The following RPRD1B variants were observed in gnomAD, a reference collection of about 807,000 sequenced individuals.
The protein encoded by RPRD1B is regulation of nuclear pre-mRNA domain-containing protein 1B.
RPRD1B carries 11 observed loss-of-function variants against 41.5 expected under a neutral mutation model. That is an observed-to-expected ratio of 0.27 (90% CI 0.17 to 0.44). The LOEUF (loss-of-function observed/expected upper bound fraction) is 0.44, where lower values mean the gene tolerates loss of function less well. Ranked by LOEUF, RPRD1B falls within the 20% of genes least tolerant of loss-of-function variation. The pLI, the probability that RPRD1B is intolerant of heterozygous loss-of-function variation, is 1.00. For synonymous variants in RPRD1B, 158 were observed against 155.6 expected, an observed-to-expected ratio of 1.02 and a Z score of -0.12; for missense variants, 248 against 389.9, an observed-to-expected ratio of 0.64 and a Z score of 3.06.
intron 6 of RPRD1B, among the ~76,000 whole-genome samples, chr20:38,089,012 A>G (rs1245145288): frequency 1.3e-5 from 2 of 152,198 alleles, no homozygotes; most frequent in African/African-American, 4.8e-5. Flanking sequence ...GTTGTGAGGC[A>G]GGGGCTGATT....
intron 1 of RPRD1B, among the ~76,000 whole-genome samples, chr20:38,034,988 C>A (rs1237199103): frequency 1.3e-5 from 2 of 152,118 alleles, no homozygotes; most frequent in African/African-American, 4.8e-5. Context: ...ATGCGAAGTG[C>A]AGTACTGATA....
chr20:38,040,399 G>A (rs772481144), intron 1 of RPRD1B, 36 bp from the exon 2 acceptor site: 2 of 1,528,748 alleles, frequency 1.3e-6, no homozygotes, highest in Non-Finnish European at 8.8e-7. Flanking sequence ...GAATTTCTTT[G>A]GTGTAAGTTA....
rs906589907 is a variant in RPRD1B, at chr20:38,090,855, G to A, written c.*980G>A. 6.1e-6 allele frequency: 6 copies of A among 985,314 alleles called. No homozygotes were observed. In the South Asian group the frequency reaches 1.4e-4, roughly 23 times the overall value. 61.0% of individuals were successfully genotyped at this position (985,314 alleles called of 1,614,324 possible). A position where few individuals can be genotyped will look rare whatever the true frequency, so the allele number is the denominator to read the frequency against. ...TGTCCACAGTACGGTGGCTAAACTC[G>A]AACATCACTGCAAATAGGACGCTGA... On this transcript the variant is annotated 3_prime_UTR_variant, in exon 7 of 7. Coordinates refer to ENST00000373433, the MANE Select transcript of RPRD1B (RefSeq NM_021215.4).
At chr20:38,053,150 A>G (rs368578784) in intron 3 of RPRD1B, among the ~76,000 whole-genome samples, 1 of 152,206 alleles carries the variant, frequency 6.6e-6, no homozygotes. Context: ...ATACCGTGGT[A>G]GAAGCTGAAT....
chr20:38,052,103 C>T (rs1161115031), intron 3 of RPRD1B, among the ~76,000 whole-genome samples: 1 of 152,152 alleles, frequency 6.6e-6, no homozygotes, highest in Non-Finnish European at 1.5e-5. Flanking sequence ...TTTGATCCTT[C>T]TGAAGCTCAG....
chr20:38,076,264 G>A (rs2074458849), intron 6 of RPRD1B, among the ~76,000 whole-genome samples: 1 of 152,142 alleles, frequency 6.6e-6, no homozygotes. Context: ...GAAGCCAGTG[G>A]TCCTCCCAGC....
At chr20:38,038,908 C>T (rs2074034459) in intron 1 of RPRD1B, among the ~76,000 whole-genome samples, 1 of 152,208 alleles carries the variant, frequency 6.6e-6, no homozygotes, top group South Asian at 2.1e-4. Context: ...TAGAGTTACT[C>T]AGGTGTGTTA....
In RPRD1B at chr20:38,090,445, G is replaced by A; in HGVS notation, c.*570G>A. On this transcript the variant is annotated 3_prime_UTR_variant, in exon 7 of 7. Coordinates refer to ENST00000373433, the MANE Select transcript of RPRD1B (RefSeq NM_021215.4). Reference sequence around the variant, plus strand: ...TCCATTGCTTCTCCTAGTGATGCACGAAGATTAGGTGCATTTATTTTGTAA... The same window carrying A: ...TCCATTGCTTCTCCTAGTGATGCACAAAGATTAGGTGCATTTATTTTGTAA... 3 of 985,812 alleles carry A rather than the reference G, an allele frequency of 3.0e-6. No individual in the cohort carries two copies. Among genetic ancestry groups the A allele is most frequent in the Non-Finnish European group, 3.6e-6 (3 of 829,908 alleles). 61.1% of individuals were successfully genotyped at this position (985,812 alleles called of 1,614,324 possible).
intron 6 of RPRD1B, among the ~76,000 whole-genome samples, chr20:38,082,138 A>G (rs768256385): frequency 3.9e-5 from 6 of 152,120 alleles, no homozygotes; most frequent in Non-Finnish European, 8.8e-5. Context: ...GATTGGTACC[A>G]GCTCTTCTTT....
intron 3 of RPRD1B, among the ~76,000 whole-genome samples, chr20:38,056,322 C>T (rs140014022): frequency 6.6e-6 from 1 of 151,908 alleles, no homozygotes; most frequent in African/African-American, 2.4e-5. Flanking sequence ...ACCCAGGAGG[C>T]GGAAGTTGCA....
rs1245505947 is a variant in RPRD1B at position 38,059,438 on chromosome 20, A to C, written c.573A>C (p.Ala191=). Residue 191 remains alanine (A), a synonymous_variant, in exon 5 of 7, where the codon GCA becomes GCC. Transcript: ENST00000373433. Reference sequence around the variant, plus strand: ...CTTTGCAGGATCTGGAAAATGCCGCATCAGGGGATGCTACTGTCCGACAGA... The same window carrying C: ...CTTTGCAGGATCTGGAAAATGCCGCCTCAGGGGATGCTACTGTCCGACAGA... ...IKALQDLENA[A]SGDATVRQKI... 3.7e-6 allele frequency: 6 copies of C among 1,613,942 alleles called. No homozygotes were observed. Among genetic ancestry groups the C allele is most frequent in the Non-Finnish European group, 5.1e-6 (6 of 1,179,954 alleles).
At position 38,035,579 on chromosome 20, in the gene RPRD1B, C is replaced by T. The variant is rs185907929; in HGVS notation, c.151+1481C>T. Among the ~76,000 whole-genome samples the T allele has an allele frequency of 1.1e-3, 161 of 152,266 alleles. 2 individuals carry two copies. Among genetic ancestry groups the T allele is most frequent in the African/African-American group, 2.4e-3 (100 of 41,544 alleles). On this transcript the variant is annotated intron_variant, in intron 1 of 6. Transcript: ENST00000373433. ...CGCGTACTGTACTGAGATAGGGATCCCCTCAGCCCTTCGGGCAGTTCCGGG... is the reference window on the plus strand; with the variant it reads ...CGCGTACTGTACTGAGATAGGGATCTCCTCAGCCCTTCGGGCAGTTCCGGG...
intron 2 of RPRD1B, 85 bp from the exon 3 acceptor site, chr20:38,048,263 A>G: frequency 7.4e-7 from 1 of 1,345,108 alleles, no homozygotes; most frequent in Non-Finnish European, 1.0e-6. Flanking sequence ...TCAGTTGTTG[A>G]TTTCTTTTTT....
At chr20:38,077,768 C>T (rs2074477972) in intron 6 of RPRD1B, among the ~76,000 whole-genome samples, 2 of 152,210 alleles carry the variant, frequency 1.3e-5, no homozygotes, top group Admixed American at 1.3e-4. Context: ...CTCTTAGGCC[C>T]TATAATCCAT....
At position 38,090,346 on chromosome 20, in the gene RPRD1B, C is replaced by G; in HGVS notation, c.*471C>G. On this transcript the variant is annotated 3_prime_UTR_variant, in exon 7 of 7. Transcript: ENST00000373433. ...GAGACGTTGGCTTTCCCAGCTGCAT[C>G]TGCCCCAAAAGGTTGTAGGCACAGC... The G allele has an allele frequency of 1.0e-6, 1 of 986,708 alleles. No homozygotes were observed. Among genetic ancestry groups the G allele is most frequent in the Non-Finnish European group, 1.2e-6 (1 of 830,536 alleles). 61.1% of individuals were successfully genotyped at this position (986,708 alleles called of 1,614,324 possible). A position where few individuals can be genotyped will look rare whatever the true frequency, so the allele number is the denominator to read the frequency against.
chr20:38,072,222 A>G lies in RPRD1B; in HGVS notation c.831+5966A>G, dbSNP rs539846258. On this transcript the variant is annotated intron_variant, in intron 6 of 6. Transcript: ENST00000373433. ...TGTGATGTAGGGGGGGACCAACTTC[A>G]TTCTTTTGCCTGTAGATATCCATTT... Among the ~76,000 whole-genome samples, 9 of 152,246 alleles carry G rather than the reference A, an allele frequency of 5.9e-5. No homozygotes were observed. In the East Asian group the frequency reaches 1.7e-3, roughly 29 times the overall value.
intron 6 of RPRD1B, among the ~76,000 whole-genome samples, chr20:38,069,059 C>T (rs576484605): frequency 6.6e-6 from 1 of 152,248 alleles, no homozygotes; most frequent in African/African-American, 2.4e-5. Flanking sequence ...TAGTTATTTG[C>T]TTGCGAGTCT....
At chr20:38,056,788 T>A (rs1247463541) in intron 3 of RPRD1B, among the ~76,000 whole-genome samples, 1 of 152,252 alleles carries the variant, frequency 6.6e-6, no homozygotes, top group Admixed American at 6.5e-5. Flanking sequence ...ATTTCTTTAC[T>A]TTCGAAACTA....
chr20:38,053,502 GCTTGCCAGTGGC>G (rs2074209926), intron 3 of RPRD1B, among the ~76,000 whole-genome samples: 2 of 152,188 alleles, frequency 1.3e-5, no homozygotes, highest in African/African-American at 4.8e-5. Flanking sequence ...GGAGAAGAAC[GCTTGCCAGTGGC>G]CAGAGTAGCA....
Sources: allele counts gnomAD v4.1 joint callset (sites outside exome capture counted in the v4.1 genomes callset), GRCh38; gene constraint gnomAD v4.1.1; transcripts MANE v1.5; gene names NCBI Gene and HGNC (gene_info 2026-07-23, HGNC 2026-07-21).